The following NPAS3 variants were observed in gnomAD, a reference collection of about 807,000 sequenced individuals.
The protein encoded by NPAS3 is neuronal PAS domain-containing protein 3.
Under a neutral mutation model 73.1 loss-of-function variants are expected in NPAS3, and 14 were observed. The observed-to-expected ratio is 0.19, with a 90% CI of 0.13 to 0.30. The LOEUF (loss-of-function observed/expected upper bound fraction) is 0.30, where lower values mean the gene tolerates loss of function less well. Among genes scored for constraint, NPAS3 ranks in the 10% least tolerant of loss-of-function variants. The pLI is 1.00. For synonymous variants in NPAS3, 620 were observed against 541.5 expected, an observed-to-expected ratio of 1.14 and a Z score of -2.01; for missense variants, 1,096 against 1,250.0, an observed-to-expected ratio of 0.88 and a Z score of 1.86.
chr14:33,693,204 A>AT (rs1441166562), intron 6 of NPAS3, among the ~76,000 whole-genome samples: 5 of 152,166 alleles, frequency 3.3e-5, no homozygotes, highest in African/African-American at 1.2e-4. Flanking sequence ...TTGCTCAATG[A>AT]TTTATGCTTC....
chr14:33,570,902 A>G (rs2056182016), intron 5 of NPAS3, among the ~76,000 whole-genome samples: 2 of 152,204 alleles, frequency 1.3e-5, no homozygotes, highest in Admixed American at 1.3e-4. Context: ...ATCCTGAATC[A>G]TGATGTTACT....
At chr14:33,023,724 C>A (rs923042482) in intron 1 of NPAS3, among the ~76,000 whole-genome samples, 3 of 151,978 alleles carry the variant, frequency 2.0e-5, no homozygotes, top group African/African-American at 7.3e-5. Context: ...AATGATAGAG[C>A]TTTTGTCTTG....
chr14:33,288,628 A>G (rs1038494094), intron 3 of NPAS3, among the ~76,000 whole-genome samples: 8 of 151,936 alleles, frequency 5.3e-5, no homozygotes, highest in African/African-American at 1.9e-4. Context: ...ACACATCTAA[A>G]CTATGATGTT....
At chr14:33,301,350 G>T (rs1233414511) in intron 3 of NPAS3, among the ~76,000 whole-genome samples, 1 of 106,370 alleles carries the variant, frequency 9.4e-6, no homozygotes, top group Non-Finnish European at 2.0e-5. Context: ...TAGCTGTAAT[G>T]GGTTATTTCA....
chr14:32,997,663 G>A (rs7141861), intron 1 of NPAS3, among the ~76,000 whole-genome samples: 3,005 of 151,574 alleles, frequency 0.02, 59 homozygotes, highest in African/African-American at 0.052. Flanking sequence ...AGTGGCTCAC[G>A]CCTGTAATCC....
chr14:33,505,758 C>A (rs1394279659), intron 4 of NPAS3, among the ~76,000 whole-genome samples: 1 of 151,930 alleles, frequency 6.6e-6, no homozygotes, highest in Non-Finnish European at 1.5e-5. Flanking sequence ...CACCAATAGG[C>A]AGTTGCATTC....
chr14:33,800,986 C>T lies in NPAS3; in HGVS notation c.2679C>T (p.Ser893=), dbSNP rs1388531381. The change falls in exon 12 of 12, where the codon AGC becomes AGT. Residue 893 remains serine, a synonymous_variant. Transcript: ENST00000356141. The surrounding 1 kb of genome is among the most constrained non-coding windows in gnomAD (Gnocchi z 6.5). ...TCGGCGGCGCAGTGAGCGCAGCTAG[C>T]CTGACGCAGATGCCCGCCGGCAACG... is the stretch of plus-strand genomic sequence containing the variant. 1 of 1,590,530 alleles carries T rather than the reference C, an allele frequency of 6.3e-7. No individual in the cohort carries two copies. Among genetic ancestry groups the T allele is most frequent in the South Asian group, 1.1e-5 (1 of 87,604 alleles).
At chr14:33,292,052 T>C (rs1224510078) in intron 3 of NPAS3, among the ~76,000 whole-genome samples, 2 of 152,244 alleles carry the variant, frequency 1.3e-5, no homozygotes, top group Non-Finnish European at 2.9e-5. Flanking sequence ...CAGTATTTTA[T>C]ACTCCTTGCC....
intron 6 of NPAS3, among the ~76,000 whole-genome samples, chr14:33,712,957 G>A (rs1233881376): frequency 6.6e-6 from 1 of 152,090 alleles, no homozygotes; most frequent in Non-Finnish European, 1.5e-5. Context: ...TCATCAACAG[G>A]AGGCACTTTC....
At chr14:33,096,476 G>A (rs1248511885) in intron 2 of NPAS3, among the ~76,000 whole-genome samples, 1 of 152,174 alleles carries the variant, frequency 6.6e-6, no homozygotes, top group African/African-American at 2.4e-5. Context: ...ACACTAAAGA[G>A]AGGCAATGTG....
intron 4 of NPAS3, among the ~76,000 whole-genome samples, chr14:33,499,205 T>C (rs1424989392): frequency 6.6e-6 from 1 of 151,910 alleles, no homozygotes; most frequent in African/African-American, 2.4e-5. Context: ...TGTTCAGGCT[T>C]GATTCCTTTC....
At chr14:32,942,773 A>G (rs2036077184) in intron 1 of NPAS3, among the ~76,000 whole-genome samples, 1 of 152,228 alleles carries the variant, frequency 6.6e-6, no homozygotes, top group South Asian at 2.1e-4. Context: ...TGCATTGTCT[A>G]ACACTTGCTT....
At chr14:33,000,100 G>C (rs1466636612) in intron 1 of NPAS3, among the ~76,000 whole-genome samples, 1 of 152,196 alleles carries the variant, frequency 6.6e-6, no homozygotes, top group African/African-American at 2.4e-5. Flanking sequence ...TTTCTAAGAA[G>C]GAGTTGCTGG....
intron 3 of NPAS3, among the ~76,000 whole-genome samples, chr14:33,277,970 G>A (rs184116688): frequency 8.1e-4 from 123 of 152,244 alleles, no homozygotes; most frequent in Middle Eastern, 6.8e-3. Context: ...AGAGGTTCGG[G>A]TTGCAGAGGT....
At chr14:33,526,513 T>C (rs193150280) in intron 4 of NPAS3, among the ~76,000 whole-genome samples, 1 of 152,048 alleles carries the variant, frequency 6.6e-6, no homozygotes, top group Non-Finnish European at 1.5e-5. Flanking sequence ...AGGCTGATTC[T>C]GTAAAATAAT....
In NPAS3 at chr14:33,621,454, G is replaced by A. The variant is rs370360629; in HGVS notation, c.559-54757G>A. Among the ~76,000 whole-genome samples the A allele has an allele frequency of 1.0e-3, 159 of 152,082 alleles. 1 individual carries two copies. In the South Asian group the frequency reaches 0.028, roughly 26 times the overall value. On this transcript the variant is annotated intron_variant, in intron 5 of 11. Transcript: ENST00000356141. The stretch of plus-strand genomic sequence containing the variant: ...GTCCTCATACCTTGTATCATTGTGC[G>A]TATATTTAAAAATTATTTATAACAA...
chr14:33,338,468 C>T (rs781703776), intron 3 of NPAS3, among the ~76,000 whole-genome samples: 6 of 152,224 alleles, frequency 3.9e-5, no homozygotes, highest in East Asian at 3.9e-4. Flanking sequence ...CAGTTGATTA[C>T]GGCACATTTG....
At chr14:33,423,497 T>C (rs2139057699) in intron 4 of NPAS3, among the ~76,000 whole-genome samples, 1 of 152,098 alleles carries the variant, frequency 6.6e-6, no homozygotes. Context: ...TTGATACATG[T>C]CAGAGTAGGT....
intron 9 of NPAS3, among the ~76,000 whole-genome samples, chr14:33,789,619 C>T (rs967634987): frequency 2.0e-5 from 2 of 98,314 alleles, no homozygotes; most frequent in African/African-American, 4.4e-5. Flanking sequence ...GACGGAGTCT[C>T]GCTCTGTCGC....
Sources: allele counts gnomAD v4.1 joint callset (sites outside exome capture counted in the v4.1 genomes callset), GRCh38; gene constraint gnomAD v4.1.1; non-coding constraint Gnocchi (gnomAD v3.1); transcripts MANE v1.5; gene names NCBI Gene and HGNC (gene_info 2026-07-23, HGNC 2026-07-21).